Variants in PLCH1 observed in about 807,000 individuals in gnomAD.
PLCH1 encodes 1-phosphatidylinositol 4,5-bisphosphate phosphodiesterase eta-1.
PLCH1 carries 60 observed loss-of-function variants against 126.7 expected under a neutral mutation model. The observed-to-expected ratio is 0.47, with a 90% CI of 0.38 to 0.59. PLCH1 has a LOEUF of 0.59. Among genes scored for constraint, PLCH1 ranks in the 20% least tolerant of loss-of-function variants. The pLI is 0.00. For missense variants in PLCH1, 1,723 were observed against 2,040.0 expected, an observed-to-expected ratio of 0.84 and a Z score of 2.99; for synonymous variants, 719 against 734.9, an observed-to-expected ratio of 0.98 and a Z score of 0.35.
intron 13 of PLCH1, among the ~76,000 whole-genome samples, chr3:155,501,925 G>C (rs1717962731): frequency 6.6e-6 from 1 of 152,184 alleles, no homozygotes. Flanking sequence ...TGGACATCAG[G>C]AATGTGGCTT....
At chr3:155,644,941 A>C (rs553468269) in intron 2 of PLCH1, among the ~76,000 whole-genome samples, 1 of 152,232 alleles carries the variant, frequency 6.6e-6, no homozygotes, top group East Asian at 1.9e-4. Flanking sequence ...GTTACAGCAA[A>C]ATTTCTTTTT....
chr3:155,678,559 A>G (rs1744274146), intron 2 of PLCH1, among the ~76,000 whole-genome samples: 1 of 152,138 alleles, frequency 6.6e-6, no homozygotes, highest in Non-Finnish European at 1.5e-5. Context: ...ATAAACACCT[A>G]TCCTGAAGTT....
intron 5 of PLCH1, 56 bp from the exon 6 acceptor site, chr3:155,583,698 G>A: frequency 8.1e-7 from 1 of 1,231,048 alleles, no homozygotes; most frequent in African/African-American, 1.6e-5. Flanking sequence ...AGGAAATTCA[G>A]TACTGGGAAA....
intron 7 of PLCH1, among the ~76,000 whole-genome samples, chr3:155,565,879 G>A (rs1728292161): frequency 6.6e-6 from 1 of 150,630 alleles, no homozygotes; most frequent in Non-Finnish European, 1.5e-5. Context: ...TGCATTTTTA[G>A]TAGAGATGGG....
At chr3:155,495,227 T>A (rs1194424135) in intron 15 of PLCH1, among the ~76,000 whole-genome samples, 1 of 152,108 alleles carries the variant, frequency 6.6e-6, no homozygotes, top group Non-Finnish European at 1.5e-5. Flanking sequence ...TAAAAGTACA[T>A]GAAGCCTGTA....
intron 1 of PLCH1, among the ~76,000 whole-genome samples, chr3:155,713,795 T>C (rs945310513): frequency 6.6e-6 from 1 of 152,186 alleles, no homozygotes; most frequent in Non-Finnish European, 1.5e-5. Context: ...GGGATGGCAG[T>C]GAATGAGATG....
intron 2 of PLCH1, among the ~76,000 whole-genome samples, chr3:155,681,126 A>G (rs1744498911): frequency 6.6e-6 from 1 of 152,210 alleles, no homozygotes. Flanking sequence ...TCTTCTTTAT[A>G]TGTTACTATA....
intron 14 of PLCH1, among the ~76,000 whole-genome samples, chr3:155,500,153 A>G (rs367859900): frequency 5.3e-5 from 8 of 152,194 alleles, no homozygotes; most frequent in African/African-American, 1.9e-4. Flanking sequence ...GTTACTTATC[A>G]TAAATACTAC....
intron 12 of PLCH1, among the ~76,000 whole-genome samples, chr3:155,512,255 A>G (rs564758624): frequency 1.3e-5 from 2 of 152,142 alleles, no homozygotes; most frequent in African/African-American, 4.8e-5. Context: ...ACCTATCACC[A>G]ACTTTGACCT....
chr3:155,482,658 C>T lies in PLCH1; in HGVS notation c.3368G>A (p.Ser1123Asn), dbSNP rs1193874231. The T allele has an allele frequency of 3.1e-6, 5 of 1,614,164 alleles. No individual in the cohort carries two copies. The South Asian group carries it at 5.5e-5, about 18-fold the overall frequency. The change falls in exon 23 of 23, where the codon AGC becomes AAC. Residue 1123 changes from serine (S) to asparagine (N), a missense_variant. By Grantham distance (46) the Ser-to-Asn change is conservative. This residue lies in a region of PLCH1 where 947 missense variants were observed against 977.1 expected (regional missense o/e 0.97). Coordinates refer to ENST00000460012, the MANE Select transcript of PLCH1 (RefSeq NM_014996.4). ...TTCCAGGTTCTTAATTTCTAGGTTG[C>T]TATGAGAAAGGACGCTTCCTGACAA... is the stretch of plus-strand genomic sequence containing the variant. ...SILSGSVLSH[S>N]NLEIKNLEGN...
intron 2 of PLCH1, among the ~76,000 whole-genome samples, chr3:155,691,100 G>C (rs1745346259): frequency 6.6e-6 from 1 of 152,072 alleles, no homozygotes; most frequent in Admixed American, 6.6e-5. Flanking sequence ...AGCTTTAAAA[G>C]AAACAAGTTT....
At chr3:155,583,664 T>C (rs1730994116) in intron 5 of PLCH1, 22 bp from the exon 6 acceptor site, 1 of 1,520,042 alleles carries the variant, frequency 6.6e-7, no homozygotes, top group African/African-American at 1.4e-5. Flanking sequence ...ATAGAGAAAA[T>C]AAAGTAATAT....
intron 10 of PLCH1, among the ~76,000 whole-genome samples, chr3:155,537,549 A>C (rs1169113015): frequency 1.3e-5 from 2 of 152,130 alleles, no homozygotes; most frequent in Admixed American, 1.3e-4. Context: ...AAGGGGTAGA[A>C]GAAGATATTT....
intron 2 of PLCH1, among the ~76,000 whole-genome samples, chr3:155,666,284 A>G (rs1365132256): frequency 6.6e-6 from 1 of 152,190 alleles, no homozygotes; most frequent in African/African-American, 2.4e-5. Context: ...ACTTTTGGTG[A>G]CATTGAATGT....
At chr3:155,522,426 T>C (rs989135601) in intron 11 of PLCH1, among the ~76,000 whole-genome samples, 4 of 152,338 alleles carry the variant, frequency 2.6e-5, no homozygotes, top group Admixed American at 6.5e-5. Flanking sequence ...ACATAAACTA[T>C]TAAAAGGCAA....
intron 12 of PLCH1, among the ~76,000 whole-genome samples, chr3:155,511,706 C>A (rs1299907715): frequency 3.5e-5 from 5 of 142,524 alleles, no homozygotes; most frequent in Non-Finnish European, 7.6e-5. Context: ...GCAGTCTGCC[C>A]GTTCTCAGAT....
At chr3:155,694,880 C>T (rs1745677939) in intron 2 of PLCH1, among the ~76,000 whole-genome samples, 2 of 149,640 alleles carry the variant, frequency 1.3e-5, no homozygotes, top group South Asian at 4.2e-4. Flanking sequence ...AAGTCCTATG[C>T]TGTTTGATTA....
intron 10 of PLCH1, among the ~76,000 whole-genome samples, chr3:155,540,303 G>GA (rs1386967365): frequency 6.6e-6 from 1 of 152,084 alleles, no homozygotes; most frequent in Non-Finnish European, 1.5e-5. Flanking sequence ...GTTAACACTG[G>GA]AAAAACCCCT....
chr3:155,728,385 A>C (rs893738907), intron 1 of PLCH1, among the ~76,000 whole-genome samples: 7 of 152,268 alleles, frequency 4.6e-5, no homozygotes, highest in Admixed American at 1.3e-4. Context: ...GTATCATGAT[A>C]AGCATTTTGC....
Sources: allele counts gnomAD v4.1 joint callset (sites outside exome capture counted in the v4.1 genomes callset), GRCh38; gene constraint gnomAD v4.1.1; regional missense constraint gnomAD v4.1.1; transcripts MANE v1.5; gene names NCBI Gene and HGNC (gene_info 2026-07-23, HGNC 2026-07-21).